Variants in TET2 observed in about 807,000 individuals in gnomAD.
TET2 encodes the protein tet methylcytosine dioxygenase 2.
Under a neutral mutation model 142.9 loss-of-function variants are expected in TET2, and 299 were observed. That is an observed-to-expected ratio of 2.09 (90% confidence interval 1.90 to 2.30). TET2 has a LOEUF of 2.30. TET2 is among the 30% of genes most tolerant of loss of function. The probability of loss-of-function intolerance (pLI) is 0.00; values close to 1 mark genes in which losing one functional copy is unlikely to be tolerated. For missense variants in TET2, 2,418 were observed against 2,378.0 expected, an observed-to-expected ratio of 1.02 and a Z score of -0.35; for synonymous variants, 819 against 849.0, an observed-to-expected ratio of 0.96 and a Z score of 0.61.
rs182097453 is a variant in TET2, at chr4:105,184,252, C to A, written c.-192-6108C>A. ...TTCCCTCATAACTTCTTTTTATTTT[C>A]GGAAACTATATAAATTGATCTGATA... On this transcript the variant is annotated intron_variant, in intron 1 of 10. Transcript: ENST00000380013. 8.6e-4 allele frequency among the ~76,000 whole-genome samples: 131 copies of A among 152,060 alleles called. 3 individuals are homozygous for A. Among genetic ancestry groups the A allele is most frequent in the African/African-American group, 3.2e-3 (131 of 41,486 alleles).
intron 2 of TET2, among the ~76,000 whole-genome samples, chr4:105,209,089 ATATATATATG>A (rs1727006561): frequency 9.0e-6 from 1 of 111,194 alleles, no homozygotes; most frequent in Non-Finnish European, 1.8e-5. Context: ...ATATATATAT[ATATATATATG>A]TTTGAGCGAG....
rs138252442 is a variant in TET2 at position 105,276,564 on chromosome 4, C to T, written c.*45C>T. On this transcript the variant is annotated 3_prime_UTR_variant, in exon 11 of 11. Transcript: ENST00000380013. ...TTACCTCACTTGAAAAGACCACAAC[C>T]AACCTGTCAGTAGTATAGTTCTCAT... 4.6e-6 allele frequency: 7 copies of T among 1,520,004 alleles called. No homozygotes were observed. In the African/African-American group the frequency reaches 9.7e-5, roughly 21 times the overall value. The allele number at this position is 1,520,004 out of a possible 1,614,324, so 94.2% of individuals were successfully genotyped here.
At chr4:105,178,348 A>G (rs2110440440) in intron 1 of TET2, among the ~76,000 whole-genome samples, 1 of 152,360 alleles carries the variant, frequency 6.6e-6, no homozygotes, top group East Asian at 1.9e-4. Context: ...CGAAAAGGCT[A>G]AATACTGTAT....
intron 2 of TET2, among the ~76,000 whole-genome samples, chr4:105,212,766 G>C (rs1727246966): frequency 1.3e-5 from 2 of 152,248 alleles, no homozygotes; most frequent in African/African-American, 4.8e-5. Flanking sequence ...GAGGCGGGTG[G>C]ATCACCTGAA....
chr4:105,214,301 ATTTTTTTT>A (rs35390923), intron 2 of TET2, among the ~76,000 whole-genome samples: 2 of 86,036 alleles, frequency 2.3e-5, no homozygotes, highest in Non-Finnish European at 4.2e-5. Context: ...CCCGAGGGAG[ATTTTTTTT>A]TTTTTTTTTT....
At chr4:105,261,932 G>T (rs990004817) in intron 8 of TET2, 84 bp downstream of exon 8, 1 of 808,390 alleles carries the variant, frequency 1.2e-6, no homozygotes, top group Non-Finnish European at 2.0e-6. Flanking sequence ...TTGAAACAAT[G>T]ATTTTTAAAT....
chr4:105,194,118 CTAATAAAAAAA>C (rs1725943410), intron 2 of TET2, among the ~76,000 whole-genome samples: 4 of 152,042 alleles, frequency 2.6e-5, no homozygotes, highest in Admixed American at 2.6e-4. Flanking sequence ...TCTCCTCCTG[CTAATAAAAAAA>C]TAATAAAAAA....
At chr4:105,166,092 C>A (rs949088874) in intron 1 of TET2, among the ~76,000 whole-genome samples, 1 of 151,942 alleles carries the variant, frequency 6.6e-6, no homozygotes, top group Non-Finnish European at 1.5e-5. Flanking sequence ...TTTCTCAGTG[C>A]TAATTGAAAA....
At chr4:105,264,231 A>G (rs1032820967) in intron 8 of TET2, among the ~76,000 whole-genome samples, 1 of 152,148 alleles carries the variant, frequency 6.6e-6, no homozygotes, top group Non-Finnish European at 1.5e-5. Context: ...AACACTATTA[A>G]TAGTTGGATT....
At chr4:105,180,547 G>A (rs545301279) in intron 1 of TET2, among the ~76,000 whole-genome samples, 1 of 152,132 alleles carries the variant, frequency 6.6e-6, no homozygotes, top group Admixed American at 6.5e-5. Flanking sequence ...AGAATCTCAT[G>A]ACACTTAAAA....
At chr4:105,176,452 A>C (rs1724800655) in intron 1 of TET2, among the ~76,000 whole-genome samples, 1 of 152,208 alleles carries the variant, frequency 6.6e-6, no homozygotes, top group Non-Finnish European at 1.5e-5. Context: ...TACAGAATAC[A>C]AACTTAATAT....
In TET2 at chr4:105,234,542, T is replaced by TA; in HGVS notation, c.605dup (p.Asn202LysfsTer8). On this transcript the variant is annotated frameshift_variant, in exon 3 of 11. Coordinates refer to ENST00000380013, the MANE Select transcript of TET2 (RefSeq NM_001127208.3). LOFTEE classifies it high-confidence loss of function. ...ACCATGACAAGAACATTGTATTACT[T>TA]AAAAACAAGGCAGTGCTAATGCCTA... 1.2e-6 allele frequency: 2 copies of TA among 1,614,120 alleles called. No homozygotes were observed. Among genetic ancestry groups the TA allele is most frequent in the Non-Finnish European group, 1.7e-6 (2 of 1,180,002 alleles).
At position 105,243,629 on chromosome 4, in the gene TET2, C is replaced by A. The variant is rs989021733; in HGVS notation, c.3654C>A (p.Gly1218=). 1.3e-6 allele frequency: 2 copies of A among 1,551,418 alleles called. No individual in the cohort carries two copies. The highest frequency in any genetic ancestry group is 1.7e-6 in the Non-Finnish European group (2 of 1,146,950). Residue 1218 remains glycine (G), a synonymous_variant, in exon 6 of 11, where the codon GGC becomes GGA. Transcript: ENST00000380013. ...KLLCLVRERA[G]HTCEAAVIVI... is the part of the protein sequence containing the mutation. ...TGTGTTTGGTGCGGGAGCGAGCTGG[C>A]CACACCTGTGAGGCTGCAGTGATTG...
intron 6 of TET2, among the ~76,000 whole-genome samples, chr4:105,258,620 C>CTGAT (rs1247430967): frequency 6.6e-6 from 1 of 152,058 alleles, no homozygotes; most frequent in Non-Finnish European, 1.5e-5. Context: ...TTAATTCATA[C>CTGAT]TGATTTTTCC....
Position 105,178,496 on chromosome 4 carries a change from C to T in TET2, c.-192-11864C>T, listed in dbSNP as rs1578566963. On this transcript the variant is annotated intron_variant, in intron 1 of 10. Transcript: ENST00000380013. ...CTATGTAATACTATAGTGGTGGATC[C>T]ATGTCATTATACATTTGTCCAAACA... 2.0e-5 allele frequency among the ~76,000 whole-genome samples: 3 copies of T among 152,208 alleles called. No homozygotes were observed. In the East Asian group the frequency reaches 5.8e-4, roughly 29 times the overall value.
At position 105,236,364 on chromosome 4, in the gene TET2, G is replaced by A. The variant is rs1166110321; in HGVS notation, c.2422G>A (p.Glu808Lys). ...ETHNVQMGLEEVQNINRRNSP... is the reference protein window; with the variant it reads ...ETHNVQMGLEKVQNINRRNSP... ...TCATAATGTCCAAATGGGACTGGAG[G>A]AAGTACAGAATATAAATCGTAGAAA... is the stretch of plus-strand genomic sequence containing the variant. Residue 808 changes from glutamate to lysine, a missense_variant, in exon 3 of 11, where the codon GAA (glutamate) becomes AAA (lysine). Transcript: ENST00000380013. 1 of 1,613,954 alleles carries A rather than the reference G, an allele frequency of 6.2e-7. No individual in the cohort carries two copies. The highest frequency in any genetic ancestry group is 8.5e-7 in the Non-Finnish European group (1 of 1,179,998).
At chr4:105,179,567 C>T (rs571254304) in intron 1 of TET2, among the ~76,000 whole-genome samples, 9 of 152,074 alleles carry the variant, frequency 5.9e-5, no homozygotes, top group African/African-American at 2.2e-4. Flanking sequence ...TTTTTTTCAC[C>T]ATCTATCCTC....
chr4:105,183,948 G>T (rs1224369098), intron 1 of TET2, among the ~76,000 whole-genome samples: 1 of 152,128 alleles, frequency 6.6e-6, no homozygotes, highest in African/African-American at 2.4e-5. Context: ...TGTTAGGAAT[G>T]GTAAGTCTAT....
Position 105,237,176 on chromosome 4 carries a change from C to G in TET2, c.3234C>G (p.Thr1078=). ...CTGCTGCAGAACTTGATAGCCACAC[C>G]CCAGCTTTAGAGCAGCAAACAACTT... ...QTTAAELDSH[T]PALEQQTTSS... The change falls in exon 3 of 11, where the codon ACC becomes ACG. Residue 1078 remains threonine, a synonymous_variant. Transcript: ENST00000380013. 6.2e-7 allele frequency: 1 copy of G among 1,614,090 alleles called. No homozygotes were observed. Among genetic ancestry groups the G allele is most frequent in the Non-Finnish European group, 8.5e-7 (1 of 1,180,018 alleles).
Sources: gnomAD v4.1 joint callset for allele counts (sites outside exome capture counted in the v4.1 genomes callset) on GRCh38, gnomAD v4.1.1 for gene constraint, MANE v1.5 for transcripts, NCBI Gene and HGNC (gene_info 2026-07-23, HGNC 2026-07-21) for gene names.